NAALADL2: variants seen among roughly 807,000 people sequenced by gnomAD.
The protein encoded by NAALADL2 is inactive N-acetylated-alpha-linked acidic dipeptidase-like protein 2.
NAALADL2 carries 76 observed loss-of-function variants against 87.2 expected under a neutral mutation model. The observed-to-expected ratio is 0.87, with a 90% CI of 0.72 to 1.05. NAALADL2 has a LOEUF of 1.05. Ranked by LOEUF, NAALADL2 falls within the 50% of genes least tolerant of loss-of-function variation. The pLI is 0.00. For synonymous variants in NAALADL2, 354 were observed against 331.0 expected (o/e 1.07, Z -0.75); for missense variants, 1,089 against 945.8 (o/e 1.15, Z -1.99).
intron 1 of NAALADL2, among the ~76,000 whole-genome samples, chr3:174,928,442 A>G (rs1170735215): frequency 6.6e-6 from 1 of 152,014 alleles, no homozygotes; most frequent in Non-Finnish European, 1.5e-5. Flanking sequence ...GGATTTCACC[A>G]TGTTGGCCAG....
intron 2 of NAALADL2, among the ~76,000 whole-genome samples, chr3:175,097,664 C>T (rs1017856501): frequency 1.3e-5 from 2 of 152,050 alleles, no homozygotes; most frequent in African/African-American, 2.4e-5. Flanking sequence ...ACTTTAATGA[C>T]ATCAGAATAA....
At chr3:175,428,147 T>C (rs1717132262) in intron 5 of NAALADL2, among the ~76,000 whole-genome samples, 1 of 152,120 alleles carries the variant, frequency 6.6e-6, no homozygotes, top group South Asian at 2.1e-4. Context: ...AAACTTGTTT[T>C]TGTATCTTAT....
At chr3:175,347,345 G>A (rs1048407329) in intron 5 of NAALADL2, among the ~76,000 whole-genome samples, 2 of 152,160 alleles carry the variant, frequency 1.3e-5, no homozygotes, top group African/African-American at 2.4e-5. Flanking sequence ...TTGATGTGAT[G>A]TAAATTGACT....
intron 1 of NAALADL2, among the ~76,000 whole-genome samples, chr3:174,871,389 C>G (rs879038758): frequency 6.6e-6 from 1 of 152,148 alleles, no homozygotes; most frequent in Non-Finnish European, 1.5e-5. Context: ...ATGCTATAAA[C>G]TTCGGGAAAT....
intron 1 of NAALADL2, among the ~76,000 whole-genome samples, chr3:174,978,750 A>T (rs1201249264): frequency 1.3e-5 from 2 of 152,246 alleles, no homozygotes; most frequent in Admixed American, 1.3e-4. Context: ...AAATCGTCCT[A>T]GAATATTGTT....
At chr3:175,362,184 T>C (rs1765097036) in intron 5 of NAALADL2, among the ~76,000 whole-genome samples, 1 of 147,936 alleles carries the variant, frequency 6.8e-6, no homozygotes, top group African/African-American at 2.5e-5. Context: ...TGTAGATGTG[T>C]GGTATTATTT....
rs958357197 is a variant in NAALADL2 at position 175,471,662 on chromosome 3, A to C, written c.1557A>C (p.Lys519Asn). 2.6e-6 allele frequency: 4 copies of C among 1,535,868 alleles called. No homozygotes were observed. In the African/African-American group the frequency reaches 5.4e-5, roughly 21 times the overall value. The change falls in exon 9 of 14, where the codon AAA (lysine) becomes AAC (asparagine). Residue 519 changes from lysine to asparagine, a missense_variant. Physicochemically the swap from Lys to Asn is moderately conservative, Grantham distance 94 (BLOSUM62 0). Transcript: ENST00000454872. ...WGEDFKKVLQ[K>N]NVVAYISLHS... The stretch of plus-strand genomic sequence containing the variant: ...AGGATTTCAAGAAGGTTCTTCAGAA[A>C]AATGTTGTGGCTTATATTAGCCTCC...
chr3:175,116,020 C>T (rs1044787861), intron 2 of NAALADL2, among the ~76,000 whole-genome samples: 31 of 151,678 alleles, frequency 2.0e-4, no homozygotes, highest in South Asian at 6.2e-4. Context: ...AAAAGGCCTT[C>T]GACAAAATTC....
intron 9 of NAALADL2, among the ~76,000 whole-genome samples, chr3:175,477,366 G>C (rs1418932098): frequency 6.6e-6 from 1 of 152,044 alleles, no homozygotes; most frequent in African/African-American, 2.4e-5. Flanking sequence ...TCAGACTAAA[G>C]TCAATTCAGA....
intron 2 of NAALADL2, among the ~76,000 whole-genome samples, chr3:174,722,657 G>A (rs1249372733): frequency 6.6e-5 from 10 of 152,176 alleles, no homozygotes; most frequent in Admixed American, 2.6e-4. Context: ...AGCCGAGATC[G>A]TGCCACTGCA....
chr3:175,780,084 C>T (rs550919278), intron 13 of NAALADL2, among the ~76,000 whole-genome samples: 27 of 150,674 alleles, frequency 1.8e-4, no homozygotes, highest in Non-Finnish European at 3.2e-4. Flanking sequence ...CTGGTTAACA[C>T]GGTGAAACCC....
intron 9 of NAALADL2, among the ~76,000 whole-genome samples, chr3:175,497,796 G>A (rs966422238): frequency 3.5e-4 from 53 of 152,172 alleles, no homozygotes; most frequent in African/African-American, 1.2e-3. Context: ...TAATATAGGT[G>A]CTGGAGTCAA....
intron 2 of NAALADL2, among the ~76,000 whole-genome samples, chr3:174,616,199 G>A (rs1012580072): frequency 1.3e-5 from 2 of 151,434 alleles, no homozygotes; most frequent in East Asian, 3.9e-4. Context: ...TTTGTTAAAG[G>A]CATAATAGAT....
At chr3:174,620,770 T>C (rs942855049) in intron 2 of NAALADL2, among the ~76,000 whole-genome samples, 13 of 152,210 alleles carry the variant, frequency 8.5e-5, no homozygotes, top group Admixed American at 2.6e-4. Flanking sequence ...TAAATACTTA[T>C]GTATTTTACT....
chr3:175,314,551 T>C, intron 4 of NAALADL2, among the ~76,000 whole-genome samples: 1 of 105,566 alleles, frequency 9.5e-6, no homozygotes, highest in Non-Finnish European at 1.9e-5. Flanking sequence ...AATACTTACC[T>C]TCACATTCTA....
chr3:175,649,217 A>G (rs1179824723), intron 11 of NAALADL2, among the ~76,000 whole-genome samples: 2 of 152,110 alleles, frequency 1.3e-5, no homozygotes, highest in Non-Finnish European at 2.9e-5. Flanking sequence ...ATCCAAGACT[A>G]CTCATTATTC....
chr3:174,858,866 G>C (rs931438803), upstream of NAALADL2, among the ~76,000 whole-genome samples: 1 of 150,800 alleles, frequency 6.6e-6, no homozygotes, highest in Non-Finnish European at 1.5e-5. Context: ...TATATTCTTT[G>C]CTTACAGTCA....
intron 11 of NAALADL2, among the ~76,000 whole-genome samples, chr3:175,629,016 A>G (rs942697058): frequency 6.6e-6 from 1 of 150,722 alleles, no homozygotes; most frequent in Non-Finnish European, 1.5e-5. Flanking sequence ...AGCTTTTAGT[A>G]TCTCCCTCCT....
At chr3:175,194,915 A>C (rs1280772509) in intron 2 of NAALADL2, among the ~76,000 whole-genome samples, 2 of 151,790 alleles carry the variant, frequency 1.3e-5, no homozygotes, top group African/African-American at 4.8e-5. Flanking sequence ...AAAATTATAC[A>C]AGAGTCATGC....
Sources: allele counts gnomAD v4.1 joint callset (sites outside exome capture counted in the v4.1 genomes callset), GRCh38; gene constraint gnomAD v4.1.1; transcripts MANE v1.5; gene names NCBI Gene and HGNC (gene_info 2026-07-23, HGNC 2026-07-21).